Variants in SPINK13 observed in about 807,000 individuals in gnomAD.
SPINK13 encodes serine protease inhibitor Kazal-type 13.
In SPINK13, 11 loss-of-function variants were observed where a neutral mutation model predicts 11.0. The observed-to-expected ratio is 1.00, with a 90% CI of 0.63 to 1.65. SPINK13 has a LOEUF of 1.65. Ranked by LOEUF, SPINK13 falls within the 40% of genes most tolerant of loss-of-function variation. SPINK13 has a pLI of 0.00. For synonymous variants in SPINK13, 31 were observed against 35.6 expected, an observed-to-expected ratio of 0.87 and a Z score of 0.46; for missense variants, 113 against 117.7, an observed-to-expected ratio of 0.96 and a Z score of 0.19.
intron 3 of SPINK13, 141 bp from the exon 4 acceptor site, chr5:148,281,963 G>A (rs777001539): frequency 2.4e-4 from 282 of 1,182,074 alleles, no homozygotes; most frequent in Middle Eastern, 2.1e-4. Context: ...CCTGACAGAA[G>A]GCCACAGAAC....
At chr5:148,273,005 A>G (rs1365127708) in intron 2 of SPINK13, among the ~76,000 whole-genome samples, 2 of 152,170 alleles carry the variant, frequency 1.3e-5, no homozygotes, top group Non-Finnish European at 2.9e-5. Context: ...CTCAACAGCT[A>G]ATCTGATACG....
intron 4 of SPINK13, among the ~76,000 whole-genome samples, chr5:148,283,096 A>G (rs573708305): frequency 3.4e-4 from 52 of 152,182 alleles, no homozygotes; most frequent in African/African-American, 1.3e-3. Flanking sequence ...GTCTTCTCCC[A>G]GTGGACTCAC....
intron 3 of SPINK13, among the ~76,000 whole-genome samples, chr5:148,274,825 T>A (rs1264720150): frequency 6.6e-6 from 1 of 152,182 alleles, no homozygotes; most frequent in Non-Finnish European, 1.5e-5. Context: ...CTCTCCATAC[T>A]TAGATTGTCT....
At chr5:148,277,909 T>C (rs1441351488) in intron 3 of SPINK13, among the ~76,000 whole-genome samples, 1 of 152,172 alleles carries the variant, frequency 6.6e-6, no homozygotes, top group Non-Finnish European at 1.5e-5. Context: ...GTCCTGGGCT[T>C]TTTTTGGTTG....
At chr5:148,279,912 A>C (rs1028267958) in intron 3 of SPINK13, among the ~76,000 whole-genome samples, 6 of 152,146 alleles carry the variant, frequency 3.9e-5, no homozygotes, top group African/African-American at 1.4e-4. Context: ...ATCACTTTCA[A>C]GTATACCAGT....
At chr5:148,281,459 G>A (rs1430212691) in intron 3 of SPINK13, among the ~76,000 whole-genome samples, 4 of 152,208 alleles carry the variant, frequency 2.6e-5, no homozygotes, top group Admixed American at 2.6e-4. Flanking sequence ...TGCGAAGACT[G>A]TGGGAAAAGC....
At chr5:148,274,535 C>A in intron 3 of SPINK13, 151 bp downstream of exon 3, 2 of 608,102 alleles carry the variant, frequency 3.3e-6, no homozygotes, top group Non-Finnish European at 5.7e-6. Flanking sequence ...ATCACCTGAG[C>A]CCAGGAGTTC....
At chr5:148,274,632 C>G (rs1380924232) in intron 3 of SPINK13, among the ~76,000 whole-genome samples, 1 of 152,050 alleles carries the variant, frequency 6.6e-6, no homozygotes, top group Non-Finnish European at 1.5e-5. Context: ...CTGTAGCCAG[C>G]TACATGGGAG....
At chr5:148,271,633 A>G (rs1756351917) in intron 2 of SPINK13, among the ~76,000 whole-genome samples, 1 of 152,050 alleles carries the variant, frequency 6.6e-6, no homozygotes, top group Admixed American at 6.6e-5. Flanking sequence ...CTTGTCATAA[A>G]GGACTTTTTG....
intron 3 of SPINK13, among the ~76,000 whole-genome samples, chr5:148,281,450 G>A (rs896703764): frequency 6.6e-6 from 1 of 152,192 alleles, no homozygotes; most frequent in African/African-American, 2.4e-5. Flanking sequence ...TCTGCAGGTT[G>A]CGAAGACTGT....
intron 2 of SPINK13, among the ~76,000 whole-genome samples, chr5:148,271,453 C>A (rs1209712210): frequency 6.6e-6 from 1 of 152,116 alleles, no homozygotes; most frequent in Non-Finnish European, 1.5e-5. Context: ...CACAATTCTA[C>A]ATCTTTTTTT....
At chr5:148,273,000 C>T (rs1041434419) in intron 2 of SPINK13, among the ~76,000 whole-genome samples, 10 of 152,154 alleles carry the variant, frequency 6.6e-5, no homozygotes, top group Admixed American at 1.3e-4. Context: ...TCTTTCTCAA[C>T]AGCTAATCTG....
rs1423716561 is a variant in SPINK13 at position 148,276,970 on chromosome 5, TCTCC to T, written c.108+2587_108+2590del. 1.1e-4 allele frequency among the ~76,000 whole-genome samples: 16 copies of T among 152,306 alleles called. 1 individual carries two copies. In the South Asian group the frequency reaches 3.3e-3, roughly 32 times the overall value. On this transcript the variant is annotated intron_variant, in intron 3 of 4. Coordinates refer to ENST00000398450, the MANE Select transcript of SPINK13 (RefSeq NM_001040129.3). ...ATTTCCTTGAACAGTGGTTTGTAGT[TCTCC>T]TTGAAGAGGTCCTTCACATCCCTTG...
chr5:148,274,227 C>A (rs150562873), intron 2 of SPINK13, 120 bp from the exon 3 acceptor site: 14 of 602,396 alleles, frequency 2.3e-5, no homozygotes, highest in Non-Finnish European at 3.4e-5. Context: ...TATTAAAATT[C>A]TTTTGTATAT....
At chr5:148,285,243 G>A (rs1474514827) in intron 4 of SPINK13, among the ~76,000 whole-genome samples, 1 of 152,180 alleles carries the variant, frequency 6.6e-6, no homozygotes, top group African/African-American at 2.4e-5. Flanking sequence ...TTACCCACTA[G>A]GCTCCAAGCA....
chr5:148,279,191 G>A (rs1405293959), intron 3 of SPINK13, among the ~76,000 whole-genome samples: 1 of 149,226 alleles, frequency 6.7e-6, no homozygotes, highest in Non-Finnish European at 1.5e-5. Flanking sequence ...CATGAGATGG[G>A]TCTCCTGGAT....
intron 4 of SPINK13, 118 bp from the exon 5 acceptor site, chr5:148,285,882 G>C: frequency 1.8e-6 from 1 of 540,990 alleles, no homozygotes; most frequent in East Asian, 3.7e-5. Flanking sequence ...AGGATGTAAA[G>C]GGAATTTAAA....
Position 148,274,700 on chromosome 5 carries a change from G to A in SPINK13, c.108+316G>A, listed in dbSNP as rs114998262. On this transcript the variant is annotated intron_variant, in intron 3 of 4. Coordinates refer to ENST00000398450, the MANE Select transcript of SPINK13 (RefSeq NM_001040129.3). Reference sequence around the variant, plus strand: ...TTGGAAACTGCAGTGAGCCATAATGGCACTACTGCACTCCAGCCTGGGCAA... The same window carrying A: ...TTGGAAACTGCAGTGAGCCATAATGACACTACTGCACTCCAGCCTGGGCAA... Among the ~76,000 whole-genome samples, 854 of 152,148 alleles carry A rather than the reference G, an allele frequency of 5.6e-3. 14 individuals carry two copies. The highest frequency in any genetic ancestry group is 0.02 in the African/African-American group (819 of 41,504).
At chr5:148,281,423 C>T (rs112824387) in intron 3 of SPINK13, among the ~76,000 whole-genome samples, 11,730 of 152,162 alleles carry the variant, frequency 0.077, 1,290 homozygotes, top group African/African-American at 0.24. Flanking sequence ...GTGTAGGGAC[C>T]TGAGGGAATC....
Sources: allele counts gnomAD v4.1 joint callset (sites outside exome capture counted in the v4.1 genomes callset), GRCh38; gene constraint gnomAD v4.1.1; transcripts MANE v1.5; gene names NCBI Gene and HGNC (gene_info 2026-07-23, HGNC 2026-07-21).